The following GPR146 variants were observed in gnomAD, a reference collection of about 807,000 sequenced individuals.
GPR146 encodes G-protein coupled receptor 146.
For synonymous variants in GPR146, 203 were observed against 104.3 expected, an observed-to-expected ratio of 1.95 and a Z score of -5.77; for missense variants, 381 against 213.9, an observed-to-expected ratio of 1.78 and a Z score of -4.87.
At chr7:1,049,072 G>A (rs965151009) in intron 1 of GPR146, among the ~76,000 whole-genome samples, 1 of 152,102 alleles carries the variant, frequency 6.6e-6, no homozygotes, top group Non-Finnish European at 1.5e-5. Flanking sequence ...AGGCCTCCGC[G>A]GTCTGACCCT....
At chr7:1,050,614 A>T (rs956694373) in intron 1 of GPR146, among the ~76,000 whole-genome samples, 1 of 152,222 alleles carries the variant, frequency 6.6e-6, no homozygotes, top group African/African-American at 2.4e-5. Flanking sequence ...CCTGCAAGGA[A>T]GTAAGGCCCA....
rs1784143559 is a variant in GPR146, at chr7:1,058,636, G to T, written c.*119G>T. ...CTGCTGGAAGAGAAGCAGGAGGGGT[G>T]TTTTTCTTGAAGTTTCCTTTTTCCC... is the stretch of plus-strand genomic sequence containing the variant. On this transcript the variant is annotated 3_prime_UTR_variant, in exon 2 of 2. Coordinates refer to ENST00000444847, the MANE Select transcript of GPR146 (RefSeq NM_001303473.2). 1.6e-6 allele frequency: 1 copy of T among 615,162 alleles called. No individual in the cohort carries two copies. Among genetic ancestry groups the T allele is most frequent in the Admixed American group, 3.0e-5 (1 of 33,558 alleles). The allele number at this position is 615,162 out of a possible 1,614,324, so 38.1% of individuals were successfully genotyped here.
chr7:1,052,419 G>T lies in GPR146; in HGVS notation c.-24-5073G>T, dbSNP rs1783214334. ...CTGTGTGTGGGTGGCAGGTCTTGAGGAGTCGTGGGGGAGGGTTTCGGGGGG... is the reference window on the plus strand; with the variant it reads ...CTGTGTGTGGGTGGCAGGTCTTGAGTAGTCGTGGGGGAGGGTTTCGGGGGG... On this transcript the variant is annotated intron_variant, in intron 1 of 1. Transcript: ENST00000444847. The surrounding 1 kb of genome is among the most constrained non-coding windows in gnomAD (Gnocchi z 4.2). Among the ~76,000 whole-genome samples the T allele has an allele frequency of 6.6e-6, 1 of 152,222 alleles. No homozygotes were observed. Among genetic ancestry groups the T allele is most frequent in the Admixed American group, 6.5e-5 (1 of 15,292 alleles).
At chr7:1,053,693 G>A (rs1307970002) in intron 1 of GPR146, among the ~76,000 whole-genome samples, 1 of 152,212 alleles carries the variant, frequency 6.6e-6, no homozygotes, top group Admixed American at 6.5e-5. Flanking sequence ...TGGGTGTGGT[G>A]GCAGTCGCCT....
chr7:1,056,012 C>T (rs1168801210), intron 1 of GPR146: 15 of 153,068 alleles, frequency 9.8e-5, no homozygotes, highest in African/African-American at 3.4e-4. Flanking sequence ...CTGAAGAACC[C>T]CGTCCTCTGG....
intron 1 of GPR146, chr7:1,055,335 G>A (rs1316490646): frequency 1.3e-5 from 6 of 471,008 alleles, no homozygotes; most frequent in South Asian, 3.1e-5. Context: ...GGCCAGGCGC[G>A]CTGCTGATAA....
chr7:1,056,658 C>G (rs1336545010), intron 1 of GPR146: 1 of 152,252 alleles, frequency 6.6e-6, no homozygotes, highest in Non-Finnish European at 1.5e-5. Flanking sequence ...GGCAGGACTC[C>G]AGTGGCGGGT....
chr7:1,057,532 G>A lies in GPR146; in HGVS notation c.17G>A (p.Trp6Ter), dbSNP rs763068167. 2 of 771,190 alleles carry A rather than the reference G, an allele frequency of 2.6e-6. No individual in the cohort carries two copies. Among genetic ancestry groups the A allele is most frequent in the Non-Finnish European group, 4.8e-6 (2 of 414,894 alleles). 47.8% of individuals were successfully genotyped at this position (771,190 alleles called of 1,614,324 possible). MWSCS[W>*]FNGTGLVEEL... ...CCGGCCGCCATGTGGAGCTGCAGCT[G>A]GTTCAACGGCACAGGGCTGGTGGAG... is the stretch of plus-strand genomic sequence containing the variant. The change falls in exon 2 of 2, where the codon TGG becomes TAG. Residue 6 changes from tryptophan to a stop codon, truncating the protein, a stop_gained. Transcript: ENST00000444847. LOFTEE classifies it low-confidence loss of function (END_TRUNC).
At chr7:1,053,033 A>G (rs1384792657) in intron 1 of GPR146, among the ~76,000 whole-genome samples, 2 of 152,200 alleles carry the variant, frequency 1.3e-5, no homozygotes, top group South Asian at 2.1e-4. Context: ...AGCAGAGTGC[A>G]TGGCTGACGG....
intron 1 of GPR146, among the ~76,000 whole-genome samples, chr7:1,054,838 G>T (rs372931997): frequency 6.6e-6 from 1 of 152,230 alleles, no homozygotes; most frequent in Non-Finnish European, 1.5e-5. Context: ...CTCTGCTTCC[G>T]ACCTGAACCT....
chr7:1,047,555 A>C (rs979151141), intron 1 of GPR146, among the ~76,000 whole-genome samples: 3 of 152,360 alleles, frequency 2.0e-5, no homozygotes, highest in African/African-American at 7.2e-5. Context: ...ATTGTTGCTA[A>C]AGCCTGGGTT....
chr7:1,048,217 C>T (rs1182725554), intron 1 of GPR146, among the ~76,000 whole-genome samples: 3 of 152,154 alleles, frequency 2.0e-5, no homozygotes, highest in Non-Finnish European at 4.4e-5. Flanking sequence ...AGAGAGCACC[C>T]GGAAACTTCG....
Position 1,058,578 on chromosome 7 carries a change from G to A in GPR146, c.*61G>A, listed in dbSNP as rs1007842697. 9 of 695,168 alleles carry A rather than the reference G, an allele frequency of 1.3e-5. No homozygotes were observed. Among genetic ancestry groups the A allele is most frequent in the Non-Finnish European group, 2.1e-5 (8 of 376,552 alleles). 43.1% of individuals were successfully genotyped at this position (695,168 alleles called of 1,614,324 possible). A position where few individuals can be genotyped will look rare whatever the true frequency, so the allele number is the denominator to read the frequency against. ...GGACGCAGAGCACTTAGTTACCCTG[G>A]ACGCTCCCCACATCCTTCCAGAAGG... On this transcript the variant is annotated 3_prime_UTR_variant, in exon 2 of 2. Transcript: ENST00000444847.
In GPR146 at chr7:1,052,017, C is replaced by A. The variant is rs1347893193; in HGVS notation, c.-24-5475C>A. Reference sequence around the variant, plus strand: ...AAAACAGAAGGAGGAACAGATGAATCCCATTTGTGACATTAATGAATTCTC... The same window carrying A: ...AAAACAGAAGGAGGAACAGATGAATACCATTTGTGACATTAATGAATTCTC... On this transcript the variant is annotated intron_variant, in intron 1 of 1. Transcript: ENST00000444847. This position sits in a 1 kb window ranked among gnomAD's most constrained non-coding sequence, Gnocchi z 4.2. Among the ~76,000 whole-genome samples the A allele has an allele frequency of 6.6e-6, 1 of 152,188 alleles. No individual in the cohort carries two copies. Among genetic ancestry groups the A allele is most frequent in the African/African-American group, 2.4e-5 (1 of 41,446 alleles).
At chr7:1,053,455 G>A (rs1222641659) in intron 1 of GPR146, among the ~76,000 whole-genome samples, 1 of 152,222 alleles carries the variant, frequency 6.6e-6, no homozygotes, top group Non-Finnish European at 1.5e-5. Flanking sequence ...CAGGAGAGGT[G>A]GGAACACTGG....
chr7:1,049,306 G>A (rs935706583), intron 1 of GPR146, among the ~76,000 whole-genome samples: 3 of 152,244 alleles, frequency 2.0e-5, no homozygotes, highest in African/African-American at 4.8e-5. Context: ...ATCTGCAGGC[G>A]TCATCATTCC....
At chr7:1,057,080 CG>C (rs1783875961) in intron 1 of GPR146, among the ~76,000 whole-genome samples, 1 of 152,108 alleles carries the variant, frequency 6.6e-6, no homozygotes, top group African/African-American at 2.4e-5. Context: ...CAGGGCTGAC[CG>C]TCCACATTGC....
At chr7:1,055,928 C>T (rs967472199) in intron 1 of GPR146, among the ~76,000 whole-genome samples, 20 of 152,220 alleles carry the variant, frequency 1.3e-4, no homozygotes, top group Admixed American at 1.2e-3. Flanking sequence ...CGTCCCCAAA[C>T]TGGGCTGCCA....
chr7:1,052,258 C>T lies in GPR146; in HGVS notation c.-24-5234C>T, dbSNP rs1425917804. On this transcript the variant is annotated intron_variant, in intron 1 of 1. Coordinates refer to ENST00000444847, the MANE Select transcript of GPR146 (RefSeq NM_001303473.2). This position sits in a 1 kb window ranked among gnomAD's most constrained non-coding sequence, Gnocchi z 4.2. ...GGCGCCTGCGTCGAGGCGTGCCCTC[C>T]TGAGAGGCAAGGCTGACCTGCAGCG... 6.6e-6 allele frequency among the ~76,000 whole-genome samples: 1 copy of T among 152,226 alleles called. No homozygotes were observed. The highest frequency in any genetic ancestry group is 2.4e-5 in the African/African-American group (1 of 41,464).
Sources: gnomAD v4.1 joint callset for allele counts (sites outside exome capture counted in the v4.1 genomes callset) on GRCh38, gnomAD v4.1.1 for gene constraint, Gnocchi (gnomAD v3.1) non-coding constraint, MANE v1.5 for transcripts, NCBI Gene and HGNC (gene_info 2026-07-23, HGNC 2026-07-21) for gene names.